Variants in NTM observed in about 807,000 individuals in gnomAD.
NTM encodes neurotrimin.
Under a neutral mutation model 42.1 loss-of-function variants are expected in NTM, and 13 were observed. The observed-to-expected ratio is 0.31, with a 90% CI of 0.20 to 0.49. The LOEUF (loss-of-function observed/expected upper bound fraction) is 0.49, where lower values mean the gene tolerates loss of function less well. Among genes scored for constraint, NTM ranks in the 20% least tolerant of loss-of-function variants. The pLI, the probability that NTM is intolerant of heterozygous loss-of-function variation, is 0.99. For missense variants in NTM, 373 were observed against 452.8 expected, an observed-to-expected ratio of 0.82 and a Z score of 1.60; for synonymous variants, 187 against 179.2, an observed-to-expected ratio of 1.04 and a Z score of -0.35.
At chr11:131,498,765 A>G (rs532206606) in intron 1 of NTM, among the ~76,000 whole-genome samples, 1 of 152,266 alleles carries the variant, frequency 6.6e-6, no homozygotes, top group East Asian at 1.9e-4. Context: ...GCCAGGCCCA[A>G]AGCTGCCAGG....
intron 3 of NTM, among the ~76,000 whole-genome samples, chr11:132,157,167 T>C (rs1281113629): frequency 6.6e-6 from 1 of 152,174 alleles, no homozygotes; most frequent in Non-Finnish European, 1.5e-5. Context: ...CCACTAAATA[T>C]ATGGAAATGT....
chr11:131,972,136 C>T (rs1249946630), intron 2 of NTM, among the ~76,000 whole-genome samples: 1 of 151,704 alleles, frequency 6.6e-6, no homozygotes, highest in East Asian at 1.9e-4. Flanking sequence ...TCCCTTGAGC[C>T]TAGGAGTTTG....
chr11:131,640,484 A>G (rs926363327), intron 1 of NTM, among the ~76,000 whole-genome samples: 2 of 152,162 alleles, frequency 1.3e-5, no homozygotes, highest in African/African-American at 4.8e-5. Context: ...TGCCTGAACC[A>G]TGAGATTGAC....
chr11:132,049,043 G>A (rs911046240), intron 2 of NTM, among the ~76,000 whole-genome samples: 12 of 151,774 alleles, frequency 7.9e-5, no homozygotes, highest in African/African-American at 1.2e-4. Context: ...AGGGAATTTC[G>A]ATTTTTCAGA....
Position 131,798,144 on chromosome 11 carries a change from G to A in NTM, c.83-113420G>A, listed in dbSNP as rs570966682. On this transcript the variant is annotated intron_variant, in intron 1 of 8. Transcript: ENST00000683400. Reference sequence around the variant, plus strand: ...TAAACAAGAAAAGGGTAGTAATAATGGGTGTCAGGGTAAAATAAATTAACT... The same window carrying A: ...TAAACAAGAAAAGGGTAGTAATAATAGGTGTCAGGGTAAAATAAATTAACT... Among the ~76,000 whole-genome samples the A allele has an allele frequency of 8.5e-5, 13 of 152,258 alleles. No individual in the cohort carries two copies. The East Asian group carries it at 1.4e-3, about 16-fold the overall frequency.
At chr11:131,775,251 G>A (rs1437175143) in intron 1 of NTM, among the ~76,000 whole-genome samples, 1 of 152,176 alleles carries the variant, frequency 6.6e-6, no homozygotes, top group Admixed American at 6.5e-5. Context: ...ACTCATCTGT[G>A]CTTGGTGCCT....
At chr11:131,992,545 A>G (rs1346675176) in intron 2 of NTM, among the ~76,000 whole-genome samples, 1 of 152,162 alleles carries the variant, frequency 6.6e-6, no homozygotes, top group African/African-American at 2.4e-5. Context: ...GAATCGCATC[A>G]GGGACCTCAA....
At chr11:132,065,305 G>T (rs537940338) in intron 2 of NTM, among the ~76,000 whole-genome samples, 39 of 152,290 alleles carry the variant, frequency 2.6e-4, no homozygotes, top group Admixed American at 7.2e-4. Flanking sequence ...ACATTTTCCT[G>T]CTGTTGAGTA....
rs371353789 is a variant in NTM, at chr11:131,890,156, GTCTCTC to G, written c.83-21392_83-21387del. Among the ~76,000 whole-genome samples the G allele has an allele frequency of 2.2e-3, 123 of 55,000 alleles. 1 individual carries two copies. The highest frequency in any genetic ancestry group is 7.7e-3 in the Middle Eastern group (1 of 130). The allele number at this position is 55,000 out of a possible 152,430, so 36.1% of individuals were successfully genotyped here. A position where few individuals can be genotyped will look rare whatever the true frequency, so the allele number is the denominator to read the frequency against. ...TCTCTCCCTCTCTCTCTCTCTCTCT[GTCTCTC>G]TCTCTCTCTCTCTCTGTCTCTCTCT... On this transcript the variant is annotated intron_variant, in intron 1 of 8. Transcript: ENST00000683400.
chr11:131,757,763 A>G (rs530658034), intron 1 of NTM, among the ~76,000 whole-genome samples: 97 of 152,312 alleles, frequency 6.4e-4, no homozygotes, highest in Non-Finnish European at 1.0e-3. Flanking sequence ...AGCAGGATTC[A>G]AAGTCATCTA....
At chr11:131,597,360 T>A (rs2059903469) in intron 1 of NTM, among the ~76,000 whole-genome samples, 1 of 152,066 alleles carries the variant, frequency 6.6e-6, no homozygotes, top group South Asian at 2.1e-4. Flanking sequence ...CCTTTCCCCC[T>A]CACCCTGCCT....
intron 1 of NTM, among the ~76,000 whole-genome samples, chr11:131,609,565 G>T (rs2061304703): frequency 6.6e-6 from 1 of 152,210 alleles, no homozygotes; most frequent in Admixed American, 6.5e-5. Flanking sequence ...ATCCCGAGAA[G>T]ATCGAAGACG....
At position 131,867,449 on chromosome 11, in the gene NTM, A is replaced by G. The variant is rs143993689; in HGVS notation, c.83-44115A>G. The stretch of plus-strand genomic sequence containing the variant: ...TATCAGTGTGAATAACCATATGTGT[A>G]TGTGTGTGTGTGTCTGTGTGTGTCT... On this transcript the variant is annotated intron_variant, in intron 1 of 8. Coordinates refer to ENST00000683400, the MANE Select transcript of NTM (RefSeq NM_001352005.2). Among the ~76,000 whole-genome samples, 334 of 150,942 alleles carry G rather than the reference A, an allele frequency of 2.2e-3. 5 individuals are homozygous for G. In the South Asian group the frequency reaches 0.041, roughly 18 times the overall value.
intron 1 of NTM, among the ~76,000 whole-genome samples, chr11:131,670,316 C>A (rs998292964): frequency 6.6e-6 from 1 of 151,844 alleles, no homozygotes; most frequent in Non-Finnish European, 1.5e-5. Context: ...GCTCTCAAAT[C>A]TTTCCTTTCT....
chr11:131,466,165 C>T (rs1046609864), intron 1 of NTM, among the ~76,000 whole-genome samples: 2 of 152,024 alleles, frequency 1.3e-5, no homozygotes, highest in Admixed American at 6.5e-5. Flanking sequence ...TTGTGCCCGT[C>T]GAAGGAGCCC....
intron 4 of NTM, among the ~76,000 whole-genome samples, chr11:132,259,032 T>G (rs1276533538): frequency 3.3e-5 from 5 of 152,226 alleles, no homozygotes; most frequent in Non-Finnish European, 7.3e-5. Flanking sequence ...CATCTCTTTG[T>G]GATTTTAAAG....
intron 3 of NTM, among the ~76,000 whole-genome samples, chr11:132,192,842 G>T (rs1430472657): frequency 2.6e-5 from 4 of 152,052 alleles, no homozygotes; most frequent in Admixed American, 2.0e-4. Flanking sequence ...AAAAGAGTAG[G>T]GGTCGCCATT....
chr11:131,854,149 G>A (rs947192717), intron 1 of NTM, among the ~76,000 whole-genome samples: 6 of 152,160 alleles, frequency 3.9e-5, no homozygotes, highest in Non-Finnish European at 1.5e-5. Context: ...CTTAGAATAA[G>A]GTGTTTTCTA....
intron 1 of NTM, among the ~76,000 whole-genome samples, chr11:131,836,928 T>C (rs1008681062): frequency 6.6e-6 from 1 of 152,244 alleles, no homozygotes; most frequent in Non-Finnish European, 1.5e-5. Flanking sequence ...AAATCCATTG[T>C]GTGATTAGTA....
Sources: allele counts gnomAD v4.1 joint callset (sites outside exome capture counted in the v4.1 genomes callset), GRCh38; gene constraint gnomAD v4.1.1; transcripts MANE v1.5; gene names NCBI Gene and HGNC (gene_info 2026-07-23, HGNC 2026-07-21).